The following IQCM variants were observed in gnomAD, a reference collection of about 807,000 sequenced individuals.
IQCM encodes the protein IQ domain-containing protein M.
Under a neutral mutation model 57.6 loss-of-function variants are expected in IQCM, and 45 were observed. The ratio of observed to expected loss-of-function variants is 0.78; its 90% confidence interval spans 0.62 to 1.00. IQCM has a LOEUF of 1.00. IQCM is among the 50% of genes least tolerant of loss of function. The pLI is 0.00. For missense variants in IQCM, 468 were observed against 511.6 expected (o/e 0.91, Z 0.82); for synonymous variants, 148 against 158.9 (o/e 0.93, Z 0.51).
intron 12 of IQCM, among the ~76,000 whole-genome samples, chr4:149,461,137 G>A (rs1250169136): frequency 6.6e-6 from 1 of 151,270 alleles, no homozygotes; most frequent in Non-Finnish European, 1.5e-5. Context: ...AGGCGGCTGA[G>A]GCAGGAGAAT....
At chr4:149,526,345 T>C (rs1332388271) in intron 12 of IQCM, among the ~76,000 whole-genome samples, 2 of 151,996 alleles carry the variant, frequency 1.3e-5, no homozygotes. Context: ...AAGATTCTCA[T>C]GGCGATTCCA....
At chr4:149,770,103 A>G (rs2149985154) in intron 2 of IQCM, among the ~76,000 whole-genome samples, 1 of 152,220 alleles carries the variant, frequency 6.6e-6, no homozygotes, top group Non-Finnish European at 1.5e-5. Flanking sequence ...AGACTCATGG[A>G]GAAAAACTGG....
intron 9 of IQCM, among the ~76,000 whole-genome samples, chr4:149,580,167 C>G (rs1227981032): frequency 6.6e-6 from 1 of 151,762 alleles, no homozygotes; most frequent in African/African-American, 2.4e-5. Flanking sequence ...CAAAAGATCT[C>G]ATAAAGAAAA....
chr4:149,657,174 G>A lies in IQCM; in HGVS notation c.565+24944C>T, dbSNP rs535586844. 4.6e-5 allele frequency among the ~76,000 whole-genome samples: 7 copies of A among 151,924 alleles called. No individual in the cohort carries two copies. In the East Asian group the frequency reaches 1.2e-3, roughly 25 times the overall value. On this transcript the variant is annotated intron_variant, in intron 7 of 13. Transcript: ENST00000636793. Reference sequence around the variant, plus strand: ...TTCTTTCCATCCTCCTCCACCTCCCGCCTACCCAATTTCTAGTAACCACTG... The same window carrying A: ...TTCTTTCCATCCTCCTCCACCTCCCACCTACCCAATTTCTAGTAACCACTG...
At chr4:149,767,490 C>T (rs1452955880) in intron 2 of IQCM, among the ~76,000 whole-genome samples, 1 of 152,070 alleles carries the variant, frequency 6.6e-6, no homozygotes, top group Non-Finnish European at 1.5e-5. Context: ...TTGGTTCATT[C>T]TTGCTGTCAT....
chr4:149,529,187 C>A (rs1746485307), intron 12 of IQCM, among the ~76,000 whole-genome samples: 1 of 152,050 alleles, frequency 6.6e-6, no homozygotes, highest in African/African-American at 2.4e-5. Context: ...CTTCGGCCTC[C>A]CAAGTAGCTG....
chr4:149,423,035 C>G (rs774885732), intron 13 of IQCM, among the ~76,000 whole-genome samples: 2 of 151,980 alleles, frequency 1.3e-5, no homozygotes, highest in Non-Finnish European at 2.9e-5. Context: ...TCCTAGTAAA[C>G]AAATGCATTA....
intron 12 of IQCM, among the ~76,000 whole-genome samples, chr4:149,504,935 T>C (rs930793621): frequency 1.3e-5 from 2 of 152,008 alleles, no homozygotes; most frequent in African/African-American, 4.8e-5. Context: ...GGCTCCTTTA[T>C]CCCAGCAAGA....
chr4:149,727,202 C>A (rs527375181), intron 5 of IQCM, among the ~76,000 whole-genome samples: 1 of 152,304 alleles, frequency 6.6e-6, no homozygotes, highest in Non-Finnish European at 1.5e-5. Context: ...TGAGTCTGCA[C>A]TTACTTATAA....
At chr4:149,774,318 T>G (rs2149994827) in intron 2 of IQCM, among the ~76,000 whole-genome samples, 1 of 152,342 alleles carries the variant, frequency 6.6e-6, no homozygotes, top group East Asian at 1.9e-4. Context: ...GAAGTTCTTT[T>G]TCTTGCAGAA....
intron 8 of IQCM, among the ~76,000 whole-genome samples, chr4:149,601,960 G>A (rs1462807816): frequency 7.3e-5 from 11 of 150,702 alleles, no homozygotes; most frequent in East Asian, 2.0e-4. Flanking sequence ...AGGCTGAGGC[G>A]GGAGAATGGC....
intron 7 of IQCM, among the ~76,000 whole-genome samples, chr4:149,628,719 G>C (rs1368171198): frequency 6.6e-6 from 1 of 152,138 alleles, no homozygotes; most frequent in Non-Finnish European, 1.5e-5. Context: ...TTTATTAAAA[G>C]AGACTTGCAT....
intron 9 of IQCM, among the ~76,000 whole-genome samples, chr4:149,586,110 G>C (rs755336982): frequency 2.0e-5 from 3 of 151,576 alleles, no homozygotes; most frequent in African/African-American, 4.8e-5. Context: ...AGGAAAAAAG[G>C]CTTCCCAAAT....
intron 8 of IQCM, among the ~76,000 whole-genome samples, chr4:149,612,426 T>A (rs933848583): frequency 5.3e-5 from 8 of 152,180 alleles, no homozygotes; most frequent in African/African-American, 1.7e-4. Flanking sequence ...TTCTGAGGTC[T>A]TTTTTGTCAC....
chr4:149,458,981 T>C (rs13119022), intron 12 of IQCM, among the ~76,000 whole-genome samples: 4 of 152,152 alleles, frequency 2.6e-5, no homozygotes, highest in African/African-American at 9.7e-5. Context: ...AGGGTTTCTG[T>C]TGTTATTTTA....
At chr4:149,384,704 A>C (rs1352456651) in intron 13 of IQCM, among the ~76,000 whole-genome samples, 1 of 151,980 alleles carries the variant, frequency 6.6e-6, no homozygotes, top group African/African-American at 2.4e-5. Context: ...CACATGTAAA[A>C]ATATTAACAT....
At chr4:149,665,955 A>G (rs1194217386) in intron 7 of IQCM, 1 of 152,108 alleles carries the variant, frequency 6.6e-6, no homozygotes, top group Non-Finnish European at 1.5e-5. Context: ...TGGGACCTAC[A>G]TCAGTGATTT....
intron 12 of IQCM, among the ~76,000 whole-genome samples, chr4:149,448,576 CA>C (rs1736756158): frequency 6.6e-6 from 1 of 151,094 alleles, no homozygotes; most frequent in African/African-American, 2.4e-5. Context: ...TATTTAAGAT[CA>C]ATAGAATTGA....
chr4:149,574,790 T>C (rs1751484070), intron 9 of IQCM, among the ~76,000 whole-genome samples: 1 of 151,950 alleles, frequency 6.6e-6, no homozygotes, highest in Non-Finnish European at 1.5e-5. Flanking sequence ...GTATGCTCCA[T>C]TTATAAAAGC....
Sources: allele counts gnomAD v4.1 joint callset (sites outside exome capture counted in the v4.1 genomes callset), GRCh38; gene constraint gnomAD v4.1.1; transcripts MANE v1.5; gene names NCBI Gene and HGNC (gene_info 2026-07-23, HGNC 2026-07-21).